The following TACR3 variants were observed in gnomAD, a reference collection of about 807,000 sequenced individuals.
TACR3 encodes the protein tachykinin receptor 3.
A neutral mutation model predicts 35.0 loss-of-function variants in TACR3; 34 were observed. The observed-to-expected ratio is 0.97, with a 90% CI of 0.74 to 1.30. TACR3 has a LOEUF of 1.30. Ranked by LOEUF, TACR3 falls within the 50% of genes most tolerant of loss-of-function variation. The pLI, the probability that TACR3 is intolerant of heterozygous loss-of-function variation, is 0.00. For missense variants in TACR3, 558 were observed against 591.7 expected, an observed-to-expected ratio of 0.94 and a Z score of 0.59; for synonymous variants, 233 against 221.1, an observed-to-expected ratio of 1.05 and a Z score of -0.48.
intron 3 of TACR3, among the ~76,000 whole-genome samples, chr4:103,604,704 C>A (rs1481067194): frequency 1.3e-5 from 2 of 151,970 alleles, no homozygotes; most frequent in Admixed American, 1.3e-4. Context: ...AAAAAAAACA[C>A]CACCATCAAA....
At chr4:103,659,984 T>C (rs1398493697) in intron 1 of TACR3, among the ~76,000 whole-genome samples, 1 of 152,170 alleles carries the variant, frequency 6.6e-6, no homozygotes, top group Admixed American at 6.6e-5. Context: ...GAATATATTT[T>C]GATTTATGAA....
chr4:103,624,968 G>A (rs1724858578), intron 3 of TACR3, among the ~76,000 whole-genome samples: 1 of 152,006 alleles, frequency 6.6e-6, no homozygotes, highest in Non-Finnish European at 1.5e-5. Context: ...GATCAAGGGG[G>A]AGCAGCAAGA....
intron 1 of TACR3, among the ~76,000 whole-genome samples, chr4:103,667,869 C>T (rs760976723): frequency 1.3e-5 from 2 of 152,170 alleles, no homozygotes; most frequent in Non-Finnish European, 2.9e-5. Flanking sequence ...GTCTCTGTCA[C>T]CCAGACTGGA....
At chr4:103,694,315 C>T (rs78032334) in intron 1 of TACR3, among the ~76,000 whole-genome samples, 5,716 of 144,742 alleles carry the variant, frequency 0.039, 150 homozygotes, top group Non-Finnish European at 0.05. Flanking sequence ...TTGAGACACA[C>T]CAAGCATGGA....
chr4:103,642,893 G>A (rs1237963869), intron 3 of TACR3, among the ~76,000 whole-genome samples: 1 of 151,804 alleles, frequency 6.6e-6, no homozygotes, highest in Non-Finnish European at 1.5e-5. Context: ...AGATTACTAT[G>A]TATTGTGTTC....
At chr4:103,643,965 G>C (rs1016783520) in intron 3 of TACR3, among the ~76,000 whole-genome samples, 1 of 150,974 alleles carries the variant, frequency 6.6e-6, no homozygotes, top group Admixed American at 6.6e-5. Flanking sequence ...TCCTCCTAAT[G>C]TTTATCTTTT....
intron 3 of TACR3, among the ~76,000 whole-genome samples, chr4:103,601,642 T>G (rs1047217061): frequency 6.6e-6 from 1 of 152,210 alleles, no homozygotes; most frequent in Non-Finnish European, 1.5e-5. Context: ...CCTTCACTTA[T>G]GAAGCTTAGT....
At chr4:103,699,619 T>C (rs1722600896) in intron 1 of TACR3, among the ~76,000 whole-genome samples, 1 of 152,172 alleles carries the variant, frequency 6.6e-6, no homozygotes, top group Non-Finnish European at 1.5e-5. Flanking sequence ...TGAAAAATGA[T>C]ATTGGCTCGG....
intron 1 of TACR3, among the ~76,000 whole-genome samples, chr4:103,703,616 T>C (rs764381827): frequency 3.9e-5 from 6 of 152,098 alleles, no homozygotes; most frequent in African/African-American, 1.4e-4. Flanking sequence ...CAAACCCCAG[T>C]TGTCTAATCT....
chr4:103,612,598 C>T (rs995300448), intron 3 of TACR3, among the ~76,000 whole-genome samples: 4 of 152,096 alleles, frequency 2.6e-5, no homozygotes, highest in Non-Finnish European at 5.9e-5. Flanking sequence ...CTGCAACCTC[C>T]GCCTGGTTCA....
Position 103,714,010 on chromosome 4 carries a change from A to G in TACR3, c.548+5118T>C, listed in dbSNP as rs1723031478. Among the ~76,000 whole-genome samples, 4 of 152,128 alleles carry G rather than the reference A, an allele frequency of 2.6e-5. No individual in the cohort carries two copies. In the South Asian group the frequency reaches 8.3e-4, roughly 32 times the overall value. Reference sequence around the variant, plus strand: ...AGTGTTGGGAAAATAATGAGATTTGAGTGGCTTTAAGAGCAAATAGCACAT... The same window carrying G: ...AGTGTTGGGAAAATAATGAGATTTGGGTGGCTTTAAGAGCAAATAGCACAT... On this transcript the variant is annotated intron_variant, in intron 1 of 4. Coordinates refer to ENST00000304883, the MANE Select transcript of TACR3 (RefSeq NM_001059.3).
At position 103,719,483 on chromosome 4, in the gene TACR3, G is replaced by A. The variant is rs201876311; in HGVS notation, c.193C>T (p.Pro65Ser). Reference sequence around the variant, plus strand: ...TTGGCCCAGGGCTGGGAGGGCGCGGGGGAAGCCACAGGCAGTCCCAGCGCG... The same window carrying A: ...TTGGCCCAGGGCTGGGAGGGCGCGGAGGAAGCCACAGGCAGTCCCAGCGCG... ...PSALGLPVAS[P>S]APSQPWANLT... Residue 65 changes from proline (P) to serine (S), a missense_variant, in exon 1 of 5, where the codon CCC becomes TCC. Transcript: ENST00000304883. 7 of 1,613,264 alleles carry A rather than the reference G, an allele frequency of 4.3e-6. No homozygotes were observed. Among genetic ancestry groups the A allele is most frequent in the Non-Finnish European group, 5.9e-6 (7 of 1,179,254 alleles).
At chr4:103,624,906 A>G (rs957050411) in intron 3 of TACR3, among the ~76,000 whole-genome samples, 2 of 152,136 alleles carry the variant, frequency 1.3e-5, no homozygotes, top group African/African-American at 4.8e-5. Flanking sequence ...GAACAATTCT[A>G]AATTTGTCTT....
At chr4:103,597,575 G>C (rs903089171) in intron 3 of TACR3, among the ~76,000 whole-genome samples, 6 of 152,030 alleles carry the variant, frequency 3.9e-5, no homozygotes, top group Non-Finnish European at 7.4e-5. Context: ...ATTTACATTA[G>C]GTACATCTCC....
chr4:103,624,930 T>A (rs746335559), intron 3 of TACR3, among the ~76,000 whole-genome samples: 4 of 151,828 alleles, frequency 2.6e-5, no homozygotes, highest in Non-Finnish European at 5.9e-5. Context: ...AAAGTGTGGG[T>A]GAATGGTCTT....
Position 103,719,331 on chromosome 4 carries a change from G to T in TACR3, c.345C>A (p.Arg115=). 1 of 1,614,220 alleles carries T rather than the reference G, an allele frequency of 6.2e-7. No individual in the cohort carries two copies. ...GGAAGTAGTTGGTGACAGTCCTCAT[G>T]CGCTTGTGGGCCAGGATGATCCAGA... ...IVIWIILAHK[R]MRTVTNYFLV... Residue 115 remains arginine (R), a synonymous_variant, in exon 1 of 5, where the codon CGC becomes CGA. Coordinates refer to ENST00000304883, the MANE Select transcript of TACR3 (RefSeq NM_001059.3).
intron 3 of TACR3, among the ~76,000 whole-genome samples, chr4:103,607,466 T>C (rs1411467944): frequency 1.3e-5 from 2 of 151,818 alleles, no homozygotes. Flanking sequence ...TTAAAATAAA[T>C]AAAACAAAAA....
At chr4:103,629,534 T>G (rs1219031657) in intron 3 of TACR3, among the ~76,000 whole-genome samples, 1 of 152,030 alleles carries the variant, frequency 6.6e-6, no homozygotes, top group African/African-American at 2.4e-5. Flanking sequence ...TGAACTCCCA[T>G]TCACAATTGC....
chr4:103,635,834 C>T (rs775206761), intron 3 of TACR3, among the ~76,000 whole-genome samples: 8 of 151,942 alleles, frequency 5.3e-5, no homozygotes, highest in Non-Finnish European at 1.0e-4. Flanking sequence ...ATCCTACCAA[C>T]ATATTACTGA....
Sources: gnomAD v4.1 joint callset for allele counts (sites outside exome capture counted in the v4.1 genomes callset) on GRCh38, gnomAD v4.1.1 for gene constraint, MANE v1.5 for transcripts, NCBI Gene and HGNC (gene_info 2026-07-23, HGNC 2026-07-21) for gene names.